The following VPS13D variants were observed in gnomAD, a reference collection of about 807,000 sequenced individuals.
The protein encoded by VPS13D is vacuolar protein sorting 13 homolog D.
A neutral mutation model predicts 461.9 loss-of-function variants in VPS13D; 187 were observed. The observed-to-expected ratio is 0.40, with a 90% CI of 0.36 to 0.46. VPS13D has a LOEUF of 0.46. VPS13D is among the 20% of genes least tolerant of loss of function. The pLI, the probability that VPS13D is intolerant of heterozygous loss-of-function variation, is 0.60. For synonymous variants in VPS13D, 1,951 were observed against 1,986.3 expected (o/e 0.98, Z 0.47); for missense variants, 4,711 against 5,364.9 (o/e 0.88, Z 3.81).
chr1:12,294,315 G>A (rs373658266), intron 24 of VPS13D, among the ~76,000 whole-genome samples: 1 of 152,202 alleles, frequency 6.6e-6, no homozygotes, highest in African/African-American at 2.4e-5. Flanking sequence ...TTGGAATCAG[G>A]TTGGACATTA....
intron 25 of VPS13D, among the ~76,000 whole-genome samples, chr1:12,304,152 A>G (rs773771539): frequency 1.2e-4 from 18 of 152,252 alleles, no homozygotes; most frequent in Non-Finnish European, 2.4e-4. Flanking sequence ...AAACTGTCAT[A>G]TAGCTGAGAG....
intron 29 of VPS13D, among the ~76,000 whole-genome samples, chr1:12,312,318 T>C (rs1370563202): frequency 1.3e-5 from 2 of 152,194 alleles, no homozygotes; most frequent in African/African-American, 2.4e-5. Flanking sequence ...AACTAAATGC[T>C]CTGGCAGACT....
chr1:12,493,959 A>T (rs896901877), intron 67 of VPS13D, among the ~76,000 whole-genome samples: 1 of 152,204 alleles, frequency 6.6e-6, no homozygotes, highest in South Asian at 2.1e-4. Flanking sequence ...AGTGGGGGGA[A>T]AATTCCTTTA....
chr1:12,502,224 G>A lies in VPS13D; in HGVS notation c.12794+4593G>A, dbSNP rs1018948047. Reference sequence around the variant, plus strand: ...TTAGGAGGCCCGTGGGATAGTCCAGGTAGAAGGTGGAGAGGCCTGAACACA... The same window carrying A: ...TTAGGAGGCCCGTGGGATAGTCCAGATAGAAGGTGGAGAGGCCTGAACACA... On this transcript the variant is annotated intron_variant, in intron 68 of 69. Transcript: ENST00000620676. This position sits in a 1 kb window ranked among gnomAD's most constrained non-coding sequence, Gnocchi z 4.3. Among the ~76,000 whole-genome samples the A allele has an allele frequency of 4.6e-5, 7 of 152,188 alleles. No homozygotes were observed. The East Asian group carries it at 1.2e-3, about 25-fold the overall frequency.
chr1:12,426,060 A>G (rs528593280), intron 65 of VPS13D, among the ~76,000 whole-genome samples: 1 of 152,360 alleles, frequency 6.6e-6, no homozygotes, highest in African/African-American at 2.4e-5. Flanking sequence ...TTCCGAATTA[A>G]TCTTTACTAT....
At chr1:12,506,347 C>T (rs1646105580) in intron 68 of VPS13D, among the ~76,000 whole-genome samples, 1 of 152,168 alleles carries the variant, frequency 6.6e-6, no homozygotes, top group African/African-American at 2.4e-5. Flanking sequence ...TTTGAGTTTT[C>T]TGAACATGAA....
intron 67 of VPS13D, among the ~76,000 whole-genome samples, chr1:12,486,475 G>A (rs999978378): frequency 6.6e-6 from 1 of 152,192 alleles, no homozygotes; most frequent in Non-Finnish European, 1.5e-5. Flanking sequence ...AGTGTCAACT[G>A]TCTACAGGGA....
rs547347306 is a variant in VPS13D, at chr1:12,348,077, T to C, written c.9070-746T>C. Reference sequence around the variant, plus strand: ...TGTGTAGACATGTCAACAAATAATATATGGACCTAAATAATATATTTTATG... The same window carrying C: ...TGTGTAGACATGTCAACAAATAATACATGGACCTAAATAATATATTTTATG... On this transcript the variant is annotated intron_variant, in intron 44 of 69. Transcript: ENST00000620676. Among the ~76,000 whole-genome samples the C allele has an allele frequency of 5.3e-5, 8 of 152,344 alleles. No individual in the cohort carries two copies. The East Asian group carries it at 1.5e-3, about 29-fold the overall frequency.
chr1:12,368,270 T>G (rs1644066916), intron 52 of VPS13D, among the ~76,000 whole-genome samples, 198 bp from the exon 53 acceptor site: 2 of 152,228 alleles, frequency 1.3e-5, no homozygotes, highest in Non-Finnish European at 2.9e-5. Context: ...AATGGGAGAA[T>G]TAGAAAATCA....
intron 13 of VPS13D, among the ~76,000 whole-genome samples, 197 bp downstream of exon 13, chr1:12,262,277 TC>T (rs1365381087): frequency 6.6e-6 from 1 of 152,180 alleles, no homozygotes; most frequent in Non-Finnish European, 1.5e-5. Flanking sequence ...CATCAACTGA[TC>T]AGTACCTAAC....
chr1:12,360,604 C>T (rs1219309145), intron 50 of VPS13D, among the ~76,000 whole-genome samples: 1 of 152,058 alleles, frequency 6.6e-6, no homozygotes, highest in Non-Finnish European at 1.5e-5. Flanking sequence ...TAGATATCAC[C>T]TAACTATGAT....
chr1:12,291,423 G>A (rs958259341), intron 23 of VPS13D, among the ~76,000 whole-genome samples: 7 of 152,150 alleles, frequency 4.6e-5, no homozygotes, highest in Admixed American at 2.0e-4. Context: ...AAAGCCAGGA[G>A]TTCGAGACCA....
At chr1:12,471,928 A>G (rs1316089038) in intron 67 of VPS13D, among the ~76,000 whole-genome samples, 2 of 152,130 alleles carry the variant, frequency 1.3e-5, no homozygotes, top group Non-Finnish European at 2.9e-5. Context: ...AAAGAAAAAA[A>G]AAATTTTATG....
rs765091604 is a variant in VPS13D at position 12,375,410 on chromosome 1, T to A, written c.10917+1552T>A. ...TTTATATACTGTACATATTTATTTC[T>A]ATGTCTACATATCAAAATCTAGCAG... On this transcript the variant is annotated intron_variant, in intron 55 of 69. Transcript: ENST00000620676. 1.5e-4 allele frequency among the ~76,000 whole-genome samples: 23 copies of A among 152,222 alleles called. No individual in the cohort carries two copies. In the South Asian group the frequency reaches 2.1e-3, roughly 14 times the overall value.
chr1:12,257,811 C>A, intron 9 of VPS13D, 124 bp from the exon 10 acceptor site: 2 of 1,181,714 alleles, frequency 1.7e-6, no homozygotes, highest in East Asian at 2.4e-5. Context: ...AATATATAAA[C>A]TGGTGGCTGA....
chr1:12,333,185 A>G, intron 37 of VPS13D, 41 bp from the exon 38 acceptor site: 1 of 1,599,654 alleles, frequency 6.3e-7, no homozygotes, highest in Non-Finnish European at 8.5e-7. Flanking sequence ...TAAACTCTTG[A>G]TATCTGCTGA....
At position 12,268,825 on chromosome 1, in the gene VPS13D, G is replaced by C; in HGVS notation, c.1921G>C (p.Ala641Pro). 1 of 1,613,706 alleles carries C rather than the reference G, an allele frequency of 6.2e-7. No homozygotes were observed. Among genetic ancestry groups the C allele is most frequent in the Non-Finnish European group, 8.5e-7 (1 of 1,179,860 alleles). Residue 641 changes from alanine (A) to proline (P), a missense_variant, in exon 16 of 70, where the codon GCC becomes CCC. Ala to Pro is a conservative substitution (Grantham distance 27). Coordinates refer to ENST00000620676, the MANE Select transcript of VPS13D (RefSeq NM_015378.4). Reference protein sequence around the residue: ...RPLNIIYNPQAIKKVADFFYK... With the variant: ...RPLNIIYNPQPIKKVADFFYK... ...CTTGAACATCATATACAATCCGCAG[G>C]CCATTAAAAAAGTAGCAGACTTTTT... is the stretch of plus-strand genomic sequence containing the variant.
chr1:12,308,512 A>G lies in VPS13D; in HGVS notation c.6521A>G (p.Glu2174Gly), dbSNP rs753283390. 3.1e-6 allele frequency: 5 copies of G among 1,614,090 alleles called. No homozygotes were observed. In the East Asian group the frequency reaches 8.9e-5, roughly 29 times the overall value. The stretch of plus-strand genomic sequence containing the variant: ...TTTGCTGCAGAGAGACATCCGAGAG[A>G]ATACTCGAAGGCACCAGAGGATAGT... ...DIFAAERHPREYSKAPEDSSG... is the reference protein window; with the variant it reads ...DIFAAERHPRGYSKAPEDSSG... Residue 2174 changes from glutamate to glycine, a missense_variant, in exon 27 of 70, where the codon GAA becomes GGA. Transcript: ENST00000620676.
chr1:12,349,762 T>A (rs1315458773), intron 46 of VPS13D, among the ~76,000 whole-genome samples: 1 of 152,180 alleles, frequency 6.6e-6, no homozygotes, highest in East Asian at 1.9e-4. Context: ...GATTTCAAAA[T>A]AATTTGAAGG....
Sources: allele counts gnomAD v4.1 joint callset (sites outside exome capture counted in the v4.1 genomes callset), GRCh38; gene constraint gnomAD v4.1.1; non-coding constraint Gnocchi (gnomAD v3.1); transcripts MANE v1.5; gene names NCBI Gene and HGNC (gene_info 2026-07-23, HGNC 2026-07-21).